SLC7A8: variants seen among roughly 807,000 people sequenced by gnomAD.
The protein encoded by SLC7A8 is solute carrier family 7 member 8.
In SLC7A8, 30 loss-of-function variants were observed where a neutral mutation model predicts 51.2. The ratio of observed to expected loss-of-function variants is 0.59; its 90% CI spans 0.44 to 0.80. The LOEUF (loss-of-function observed/expected upper bound fraction) is 0.80, where lower values mean the gene tolerates loss of function less well. Ranked by LOEUF, SLC7A8 falls within the 30% of genes least tolerant of loss-of-function variation. The pLI is 0.00. For missense variants in SLC7A8, 612 were observed against 674.4 expected, an observed-to-expected ratio of 0.91 and a Z score of 1.03; for synonymous variants, 257 against 275.8, an observed-to-expected ratio of 0.93 and a Z score of 0.67.
intron 3 of SLC7A8, 36 bp from the exon 4 acceptor site, chr14:23,143,240 C>T (rs911953935): frequency 1.4e-5 from 23 of 1,609,370 alleles, no homozygotes; most frequent in Non-Finnish European, 1.9e-5. Context: ...CCTTCAGGGG[C>T]TGTATCTGGC....
chr14:23,178,365 C>G (rs1224596337), intron 1 of SLC7A8, among the ~76,000 whole-genome samples: 2 of 152,078 alleles, frequency 1.3e-5, no homozygotes, highest in Non-Finnish European at 2.9e-5. Context: ...GAACAAAAGC[C>G]TGATTAGGTT....
chr14:23,126,229 G>A lies in SLC7A8; in HGVS notation c.*948C>T, dbSNP rs1418429909. On this transcript the variant is annotated 3_prime_UTR_variant, in exon 11 of 11. Transcript: ENST00000316902. ...CTCTGATCTCAGGCCTGAAGGGCTT[G>A]GGGATCCTTCGTACCTGGTCCCAAG... The A allele has an allele frequency of 1.3e-5, 2 of 153,238 alleles. No homozygotes were observed. Among genetic ancestry groups the A allele is most frequent in the East Asian group, 3.9e-4 (2 of 5,178 alleles). 9.5% of individuals were successfully genotyped at this position (153,238 alleles called of 1,614,324 possible). A position where few individuals can be genotyped will look rare whatever the true frequency, so the allele number is the denominator to read the frequency against.
At chr14:23,174,298 G>T (rs1385094792) in intron 1 of SLC7A8, among the ~76,000 whole-genome samples, 2 of 152,212 alleles carry the variant, frequency 1.3e-5, no homozygotes, top group Non-Finnish European at 2.9e-5. Context: ...CCTTTAAAAC[G>T]TGGAGACAGA....
chr14:23,176,541 G>C (rs983272192), intron 1 of SLC7A8, among the ~76,000 whole-genome samples: 1 of 152,150 alleles, frequency 6.6e-6, no homozygotes, highest in African/African-American at 2.4e-5. Context: ...CCAGCTCTGT[G>C]ACTCAATTTC....
chr14:23,128,271 C>A lies in SLC7A8; in HGVS notation c.1264-75G>T, dbSNP rs1303634326. 2 of 1,583,452 alleles carry A rather than the reference C, an allele frequency of 1.3e-6. No individual in the cohort carries two copies. Among genetic ancestry groups the A allele is most frequent in the Admixed American group, 1.8e-5 (1 of 54,702 alleles). ...CCAGGACTAGGGACTGGGGCATTCT[C>A]TCTCTTCTTCACCCACAGAGACACA... On this transcript the variant is annotated intron_variant, in intron 9 of 10. Coordinates refer to ENST00000316902, the MANE Select transcript of SLC7A8 (RefSeq NM_012244.4). This position sits in a 1 kb window ranked among gnomAD's most constrained non-coding sequence, Gnocchi z 4.3.
chr14:23,145,087 AT>A (rs1363026659), intron 3 of SLC7A8, among the ~76,000 whole-genome samples: 2 of 151,338 alleles, frequency 1.3e-5, no homozygotes. Flanking sequence ...CACCCAGCTA[AT>A]TTTTTGTATT....
intron 7 of SLC7A8, among the ~76,000 whole-genome samples, chr14:23,133,265 T>C (rs1035269643): frequency 2.0e-5 from 3 of 151,872 alleles, no homozygotes; most frequent in African/African-American, 2.4e-5. Context: ...TAGTGGACCC[T>C]TGTCTCTACA....
At chr14:23,167,472 A>G (rs1216898121) in intron 1 of SLC7A8, among the ~76,000 whole-genome samples, 1 of 152,000 alleles carries the variant, frequency 6.6e-6, no homozygotes, top group Admixed American at 6.6e-5. Flanking sequence ...CAATCTTTCC[A>G]CTAATCCACT....
intron 1 of SLC7A8, among the ~76,000 whole-genome samples, chr14:23,171,772 A>G (rs879793229): frequency 1.3e-5 from 2 of 152,184 alleles, no homozygotes; most frequent in Non-Finnish European, 2.9e-5. Flanking sequence ...TGTGGGGCCC[A>G]GGCTTTGATC....
intron 7 of SLC7A8, among the ~76,000 whole-genome samples, chr14:23,137,301 CT>C (rs993944044): frequency 1.3e-5 from 2 of 152,140 alleles, no homozygotes; most frequent in South Asian, 4.1e-4. Context: ...CAAATGTTTG[CT>C]TTCCACTTTT....
At chr14:23,155,791 C>T (rs749307871) in intron 3 of SLC7A8, among the ~76,000 whole-genome samples, 5 of 151,584 alleles carry the variant, frequency 3.3e-5, no homozygotes, top group Non-Finnish European at 5.9e-5. Flanking sequence ...CTAGCCTGAC[C>T]CTCCATCATA....
intron 3 of SLC7A8, among the ~76,000 whole-genome samples, chr14:23,145,522 A>T (rs1342483018): frequency 1.0e-5 from 1 of 95,378 alleles, no homozygotes; most frequent in Non-Finnish European, 2.1e-5. Context: ...GCTAGACCAC[A>T]TCTCAAAAAA....
intron 7 of SLC7A8, 133 bp downstream of exon 7, chr14:23,137,788 G>A (rs2140309539): frequency 8.9e-7 from 1 of 1,124,604 alleles, no homozygotes; most frequent in Non-Finnish European, 1.3e-6. Context: ...CATGTGAGCA[G>A]TCACCCCTCT....
At position 23,183,628 on chromosome 14, in the gene SLC7A8, T is replaced by A. The variant is rs1365821164; in HGVS notation, c.-714A>T. On this transcript the variant is annotated 5_prime_UTR_variant, in exon 1 of 11. Transcript: ENST00000316902. ...TCTACTGCACAGCCGGCCCCATCCC[T>A]CTGGTTTCGGGAGAGTGGCTTCTCC... The A allele has an allele frequency of 6.6e-6, 1 of 152,250 alleles. No homozygotes were observed. Among genetic ancestry groups the A allele is most frequent in the East Asian group, 1.9e-4 (1 of 5,186 alleles). 9.4% of individuals were successfully genotyped at this position (152,250 alleles called of 1,614,324 possible).
intron 1 of SLC7A8, among the ~76,000 whole-genome samples, chr14:23,168,141 G>C (rs2048959108): frequency 6.6e-6 from 1 of 152,170 alleles, no homozygotes; most frequent in African/African-American, 2.4e-5. Context: ...CAGGCAAAGA[G>C]AAGATAGAAA....
rs1343850196 is a variant in SLC7A8 at position 23,183,066 on chromosome 14, A to T, written c.-152T>A. The T allele has an allele frequency of 4.9e-6, 4 of 818,208 alleles. No individual in the cohort carries two copies. The African/African-American group carries it at 5.3e-5, about 11-fold the overall frequency. The allele number at this position is 818,208 out of a possible 1,614,324, so 50.7% of individuals were successfully genotyped here. A position where few individuals can be genotyped will look rare whatever the true frequency, so the allele number is the denominator to read the frequency against. On this transcript the variant is annotated 5_prime_UTR_variant, in exon 1 of 11. Coordinates refer to ENST00000316902, the MANE Select transcript of SLC7A8 (RefSeq NM_012244.4). Reference sequence around the variant, plus strand: ...AAAAAAGGCAAGCAGATAAAAGAGAACACGAAAAATATTCCTACTCCGCAT... The same window carrying T: ...AAAAAAGGCAAGCAGATAAAAGAGATCACGAAAAATATTCCTACTCCGCAT...
intron 1 of SLC7A8, among the ~76,000 whole-genome samples, chr14:23,168,025 CT>C (rs752688831): frequency 2.0e-5 from 3 of 152,144 alleles, no homozygotes; most frequent in Non-Finnish European, 4.4e-5. Flanking sequence ...TCAAATATGT[CT>C]TCCTAATTTT....
In SLC7A8 at chr14:23,165,176, C is replaced by G; in HGVS notation, c.508+109G>C. 1.8e-6 allele frequency: 2 copies of G among 1,139,884 alleles called. No individual in the cohort carries two copies. The highest frequency in any genetic ancestry group is 2.3e-6 in the Non-Finnish European group (2 of 851,278). The allele number at this position is 1,139,884 out of a possible 1,614,324, so 70.6% of individuals were successfully genotyped here. ...AAGGCTGCAGTGAGCTATGATCATG[C>G]GGCTGCGCTCCAGCCTGAGTGACAG... On this transcript the variant is annotated intron_variant, in intron 3 of 10. Coordinates refer to ENST00000316902, the MANE Select transcript of SLC7A8 (RefSeq NM_012244.4). The surrounding 1 kb of genome is among the most constrained non-coding windows in gnomAD (Gnocchi z 4.2).
rs78954164 is a variant in SLC7A8 at position 23,136,898 on chromosome 14, C to T, written c.1016+1023G>A. Among the ~76,000 whole-genome samples, 28 of 152,310 alleles carry T rather than the reference C, an allele frequency of 1.8e-4. No individual in the cohort carries two copies. The East Asian group carries it at 4.6e-3, about 25-fold the overall frequency. On this transcript the variant is annotated intron_variant, in intron 7 of 10. Transcript: ENST00000316902. ...TGCACACGAGGTTGCTGTGGGTGAG[C>T]GTCACAGGGTCCCGGGGTACAGGGG... is the stretch of plus-strand genomic sequence containing the variant.
Sources: allele counts gnomAD v4.1 joint callset (sites outside exome capture counted in the v4.1 genomes callset), GRCh38; gene constraint gnomAD v4.1.1; non-coding constraint Gnocchi (gnomAD v3.1); transcripts MANE v1.5; gene names NCBI Gene and HGNC (gene_info 2026-07-23, HGNC 2026-07-21).